The following CD163L1 variants were observed in gnomAD, a reference collection of about 807,000 sequenced individuals.
CD163L1 encodes CD163 molecule like 1.
In CD163L1, 124 loss-of-function variants were observed where a neutral mutation model predicts 165.4. That is an observed-to-expected ratio of 0.75 (90% CI 0.65 to 0.87). The LOEUF is 0.87. Among genes scored for constraint, CD163L1 ranks in the 40% least tolerant of loss-of-function variants. The pLI is 0.00. For synonymous variants in CD163L1, 585 were observed against 662.2 expected (o/e 0.88, Z 1.79); for missense variants, 1,525 against 1,799.9 (o/e 0.85, Z 2.76).
chr12:7,354,532 T>C (rs979673616), downstream of CD163L1, among the ~76,000 whole-genome samples: 1 of 152,174 alleles, frequency 6.6e-6, no homozygotes, highest in African/African-American at 2.4e-5. Flanking sequence ...TGTTTTTCAT[T>C]GTTCAGCAGA....
rs1464655562 is a variant in CD163L1 at position 7,372,968 on chromosome 12, C to T, written c.3730+352G>A. The stretch of plus-strand genomic sequence containing the variant: ...AATCTCCATAATTAATTCACATTTC[C>T]TCAAAAGTTCTGAGCTTTCTAGAAT... On this transcript the variant is annotated intron_variant, in intron 14 of 19. Transcript: ENST00000313599. This position sits in a 1 kb window ranked among gnomAD's most constrained non-coding sequence, Gnocchi z 4.2. 6.6e-6 allele frequency among the ~76,000 whole-genome samples: 1 copy of T among 152,090 alleles called. No individual in the cohort carries two copies. The highest frequency in any genetic ancestry group is 1.9e-4 in the East Asian group (1 of 5,200).
the CD163L1 span, among the ~76,000 whole-genome samples, chr12:7,334,336 A>G: frequency 3.9e-5 from 6 of 152,374 alleles, no homozygotes; most frequent in East Asian, 7.7e-4. Context: ...CTGGTTCAAC[A>G]TACGAAAATC....
intron 8 of CD163L1, among the ~76,000 whole-genome samples, chr12:7,380,280 T>C (rs1328146188): frequency 1.8e-5 from 1 of 54,534 alleles, no homozygotes; most frequent in Non-Finnish European, 2.9e-5. Context: ...CTGTGGTGTG[T>C]GTGTGTGTGT....
At chr12:7,443,164 A>T (rs1314930657) in intron 1 of CD163L1, among the ~76,000 whole-genome samples, 1 of 152,200 alleles carries the variant, frequency 6.6e-6, no homozygotes, top group Non-Finnish European at 1.5e-5. Flanking sequence ...ACCCTTTTTC[A>T]AAAAGGAGGC....
intron 8 of CD163L1, among the ~76,000 whole-genome samples, chr12:7,380,363 G>GTATGTATA (rs1947366622): frequency 2.2e-5 from 3 of 137,492 alleles, no homozygotes; most frequent in African/African-American, 8.7e-5. Context: ...GTGTGTATAC[G>GTATGTATA]CGTATACATA....
chr12:7,419,011 G>A (rs112587719), intron 4 of CD163L1, among the ~76,000 whole-genome samples: 221 of 151,976 alleles, frequency 1.5e-3, no homozygotes, highest in African/African-American at 5.2e-3. Flanking sequence ...AGAATCCTCC[G>A]TAAATCATCC....
Position 7,432,548 on chromosome 12 carries a change from C to G in CD163L1, c.634G>C (p.Ala212Pro), listed in dbSNP as rs535794795. 2.5e-6 allele frequency: 4 copies of G among 1,614,156 alleles called. No homozygotes were observed. The highest frequency in any genetic ancestry group is 3.4e-6 in the Non-Finnish European group (4 of 1,180,030). ...FISSGVVNSP[A>P]VLRPIWLDDI... ...TCCAGCCAAATGGGGCGCAATACAG[C>G]AGGGCTATTAACAACTCCAGAAGAA... The change falls in exon 4 of 20, where the codon GCT (alanine) becomes CCT (proline). Residue 212 changes from alanine to proline, a missense_variant. Coordinates refer to ENST00000313599, the MANE Select transcript of CD163L1 (RefSeq NM_174941.6). The surrounding 1 kb of genome is among the most constrained non-coding windows in gnomAD (Gnocchi z 4.2).
chr12:7,360,094 G>T (rs1946861131), intron 18 of CD163L1, among the ~76,000 whole-genome samples: 1 of 151,848 alleles, frequency 6.6e-6, no homozygotes, highest in Non-Finnish European at 1.5e-5. Flanking sequence ...AAAAATTCCT[G>T]CACCATGTCT....
At chr12:7,422,118 G>A (rs1000857815) in intron 4 of CD163L1, among the ~76,000 whole-genome samples, 1 of 152,062 alleles carries the variant, frequency 6.6e-6, no homozygotes, top group African/African-American at 2.4e-5. Flanking sequence ...TTGCCGTTCT[G>A]CACACTCCGC....
chr12:7,344,186 T>A (rs1946654517), downstream of CD163L1, among the ~76,000 whole-genome samples: 1 of 151,952 alleles, frequency 6.6e-6, no homozygotes, highest in African/African-American at 2.4e-5. Flanking sequence ...AGTCAAGTGA[T>A]CCTCTTACCT....
chr12:7,324,309 G>A, the CD163L1 span: 1 of 1,613,764 alleles, frequency 6.2e-7, no homozygotes, highest in Non-Finnish European at 8.5e-7. Context: ...GATAAGAGGA[G>A]ATTTTTATGT....
At chr12:7,441,908 ATGCTCAGTTC>A (rs1458135248) in intron 1 of CD163L1, among the ~76,000 whole-genome samples, 1 of 152,182 alleles carries the variant, frequency 6.6e-6, no homozygotes, top group Non-Finnish European at 1.5e-5. Context: ...CTTTTCAGTC[ATGCTCAGTTC>A]TGCATCTAAT....
In CD163L1 at chr12:7,399,730, G is replaced by C. The variant is rs887814114; in HGVS notation, c.1409-1146C>G. ...AGTGATCCTCCCACCTCAGCCTCCCGAGTAGCTGGGATTACAGGCTCACAC... is the reference window on the plus strand; with the variant it reads ...AGTGATCCTCCCACCTCAGCCTCCCCAGTAGCTGGGATTACAGGCTCACAC... On this transcript the variant is annotated intron_variant, in intron 6 of 19. Coordinates refer to ENST00000313599, the MANE Select transcript of CD163L1 (RefSeq NM_174941.6). 4.0e-5 allele frequency among the ~76,000 whole-genome samples: 6 copies of C among 151,586 alleles called. No individual in the cohort carries two copies. In the East Asian group the frequency reaches 1.2e-3, roughly 29 times the overall value.
intron 8 of CD163L1, among the ~76,000 whole-genome samples, chr12:7,387,318 T>A (rs1210779367): frequency 6.6e-6 from 1 of 152,198 alleles, no homozygotes; most frequent in Non-Finnish European, 1.5e-5. Context: ...CATTGATGAA[T>A]GCAATTAAGG....
chr12:7,368,429 A>G lies in CD163L1; in HGVS notation c.4073-232T>C, dbSNP rs1947067239. On this transcript the variant is annotated intron_variant, in intron 16 of 19. Coordinates refer to ENST00000313599, the MANE Select transcript of CD163L1 (RefSeq NM_174941.6). The surrounding 1 kb of genome is among the most constrained non-coding windows in gnomAD (Gnocchi z 4.3). ...ATTGCCCTAAATTACTTCCAATTTT[A>G]TACAAGAGATTTGATAACTAAACCT... Among the ~76,000 whole-genome samples the G allele has an allele frequency of 2.6e-5, 4 of 152,204 alleles. No individual in the cohort carries two copies. Among genetic ancestry groups the G allele is most frequent in the Admixed American group, 2.6e-4 (4 of 15,288 alleles).
At chr12:7,319,620 T>A in the CD163L1 span, among the ~76,000 whole-genome samples, 3 of 148,000 alleles carry the variant, frequency 2.0e-5, no homozygotes, top group African/African-American at 7.5e-5. Context: ...AAAATACAGA[T>A]GAAGCTTCGC....
downstream of CD163L1, among the ~76,000 whole-genome samples, chr12:7,350,446 C>G (rs769560288): frequency 6.6e-6 from 1 of 152,124 alleles, no homozygotes; most frequent in South Asian, 2.1e-4. Flanking sequence ...CTTACAGTTA[C>G]GTGGTTGGTT....
Position 7,433,620 on chromosome 12 carries a change from C to T in CD163L1, c.199G>A (p.Gly67Arg). 1.2e-6 allele frequency: 2 copies of T among 1,614,088 alleles called. No homozygotes were observed. The highest frequency in any genetic ancestry group is 1.7e-6 in the Non-Finnish European group (2 of 1,179,984). The change falls in exon 3 of 20, where the codon GGA becomes AGA. Residue 67 changes from glycine to arginine, a missense_variant. Physicochemically the swap from Gly to Arg is moderately radical, Grantham distance 125 (BLOSUM62 -2). Transcript: ENST00000313599. ...TCATCACACACAGTCCCCCACTGTC[C>T]CTGGAATTTCACCTCCACTGTCCCA... ...CSGTVEVKFQ[G>R]QWGTVCDDGW...
Position 7,432,676 on chromosome 12 carries a change from T to C in CD163L1, c.506A>G (p.Glu169Gly). 6.2e-7 allele frequency: 1 copy of C among 1,614,032 alleles called. No homozygotes were observed. Among genetic ancestry groups the C allele is most frequent in the Non-Finnish European group, 8.5e-7 (1 of 1,180,020 alleles). The change falls in exon 4 of 20, where the codon GAG becomes GGG. Residue 169 changes from glutamate (E) to glycine (G), a missense_variant. By Grantham distance (98) the Glu-to-Gly change is moderately conservative. Coordinates refer to ENST00000313599, the MANE Select transcript of CD163L1 (RefSeq NM_174941.6). This position sits in a 1 kb window ranked among gnomAD's most constrained non-coding sequence, Gnocchi z 4.2. ...TCCCCACCTTTCTTGGAATTTCACC[T>C]CCACTCTCCCTGAACAGGAGTTGTT... ...DGNNSCSGRV[E>G]VKFQERWGTI...
Sources: gnomAD v4.1 joint callset for allele counts (sites outside exome capture counted in the v4.1 genomes callset) on GRCh38, gnomAD v4.1.1 for gene constraint, Gnocchi (gnomAD v3.1) non-coding constraint, MANE v1.5 for transcripts, NCBI Gene and HGNC (gene_info 2026-07-23, HGNC 2026-07-21) for gene names.